GRHL2: variants seen among roughly 807,000 people sequenced by gnomAD.
The protein encoded by GRHL2 is grainyhead like transcription factor 2.
A neutral mutation model predicts 83.8 loss-of-function variants in GRHL2; 21 were observed. That is an observed-to-expected ratio of 0.25 (90% CI 0.18 to 0.36). The LOEUF is 0.36. GRHL2 is among the 10% of genes least tolerant of loss of function. GRHL2 has a pLI of 1.00. For synonymous variants in GRHL2, 280 were observed against 278.9 expected, an observed-to-expected ratio of 1.00 and a Z score of -0.04; for missense variants, 623 against 781.8, an observed-to-expected ratio of 0.80 and a Z score of 2.42.
intron 4 of GRHL2, among the ~76,000 whole-genome samples, chr8:101,567,543 A>C (rs1451790464): frequency 6.6e-6 from 1 of 152,222 alleles, no homozygotes; most frequent in Non-Finnish European, 1.5e-5. Flanking sequence ...TAAAATTATA[A>C]AGATAATGTA....
chr8:101,679,491 A>G, the GRHL2 span, among the ~76,000 whole-genome samples: 2 of 149,438 alleles, frequency 1.3e-5, no homozygotes, highest in Non-Finnish European at 3.0e-5. Context: ...ACCAAGTTGG[A>G]AAACACTCTG....
At chr8:101,609,116 TA>T (rs1265738923) in intron 8 of GRHL2, among the ~76,000 whole-genome samples, 1 of 149,768 alleles carries the variant, frequency 6.7e-6, no homozygotes, top group African/African-American at 2.5e-5. Flanking sequence ...GGGTGAAGTA[TA>T]GGACTTATAC....
chr8:101,582,408 G>T lies in GRHL2; in HGVS notation c.1003+4889G>T, dbSNP rs186951693. Among the ~76,000 whole-genome samples, 27 of 152,308 alleles carry T rather than the reference G, an allele frequency of 1.8e-4. 1 individual carries two copies. The East Asian group carries it at 5.2e-3, about 29-fold the overall frequency. ...AGGAAGGGAGTCCTCAGTACATGGG[G>T]CTGTGGAAAGGCTTGTATTTTTTAA... On this transcript the variant is annotated intron_variant, in intron 7 of 15. Transcript: ENST00000646743.
At position 101,649,473 on chromosome 8, in the gene GRHL2, C is replaced by T; in HGVS notation, c.1672C>T (p.Pro558Ser). 5 of 1,613,928 alleles carry T rather than the reference C, an allele frequency of 3.1e-6. No homozygotes were observed. The highest frequency in any genetic ancestry group is 1.1e-5 in the South Asian group (1 of 91,030). Residue 558 changes from proline to serine, a missense_variant, in exon 14 of 16, where the codon CCC becomes TCC. Pro to Ser is a moderately conservative substitution (Grantham distance 74, BLOSUM62 -1). This residue lies in a region of GRHL2 where 210 missense variants were observed against 254.8 expected (regional missense o/e 0.82). Coordinates refer to ENST00000646743, the MANE Select transcript of GRHL2 (RefSeq NM_024915.4). The part of the protein sequence containing the change: ...DVFDALMLKS[P>S]TVKGLMEAIS... ...GTTCGATGCATTGATGTTGAAGTCTCCCACAGTGAAGGGCCTGATGGAAGC... is the reference window on the plus strand; with the variant it reads ...GTTCGATGCATTGATGTTGAAGTCTTCCACAGTGAAGGGCCTGATGGAAGC...
chr8:101,665,015 A>G (rs1038232135), intron 15 of GRHL2, among the ~76,000 whole-genome samples: 2 of 152,184 alleles, frequency 1.3e-5, no homozygotes, highest in East Asian at 3.8e-4. Context: ...CTGGGTGTTC[A>G]GTAGGTTTGG....
At chr8:101,610,785 C>T (rs1485516906) in intron 8 of GRHL2, among the ~76,000 whole-genome samples, 4 of 150,900 alleles carry the variant, frequency 2.7e-5, no homozygotes, top group South Asian at 2.1e-4. Context: ...GCTTTACTCT[C>T]GTTATAATCG....
chr8:101,554,421 C>T (rs971366093), intron 3 of GRHL2, among the ~76,000 whole-genome samples: 1 of 152,186 alleles, frequency 6.6e-6, no homozygotes, highest in Non-Finnish European at 1.5e-5. Flanking sequence ...CTCTGTCTAC[C>T]TTTCACATCA....
rs557104639 is a variant in GRHL2, at chr8:101,523,427, C to A, written c.21-19814C>A. On this transcript the variant is annotated intron_variant, in intron 1 of 15. Coordinates refer to ENST00000646743, the MANE Select transcript of GRHL2 (RefSeq NM_024915.4). The stretch of plus-strand genomic sequence containing the variant: ...CCCAAAATTATTAGTTCCCCACTAC[C>A]ACCCGTCCCAGCTTGTTTCTTCAGT... Among the ~76,000 whole-genome samples the A allele has an allele frequency of 4.5e-4, 69 of 152,052 alleles. 2 individuals are homozygous for A. Among genetic ancestry groups the A allele is most frequent in the South Asian group, 4.2e-4 (2 of 4,794 alleles).
intron 1 of GRHL2, among the ~76,000 whole-genome samples, chr8:101,540,693 G>A (rs370653241): frequency 5.4e-4 from 82 of 152,240 alleles, no homozygotes; most frequent in African/African-American, 1.8e-3. Flanking sequence ...TTTTCATTGT[G>A]AGTTCACGCC....
chr8:101,659,811 G>C (rs1194399494), intron 14 of GRHL2, among the ~76,000 whole-genome samples: 3 of 152,112 alleles, frequency 2.0e-5, no homozygotes, highest in African/African-American at 7.2e-5. Context: ...TGAGTGTCTC[G>C]CCAGATTTGG....
chr8:101,566,554 TTTATG>T (rs1226653045), intron 4 of GRHL2, among the ~76,000 whole-genome samples: 4 of 148,036 alleles, frequency 2.7e-5, no homozygotes, highest in East Asian at 1.9e-4. Context: ...TGTAATAATA[TTTATG>T]TTATAACTAT....
At chr8:101,498,903 G>A (rs1473508949) in intron 1 of GRHL2, among the ~76,000 whole-genome samples, 5 of 151,868 alleles carry the variant, frequency 3.3e-5, no homozygotes, top group African/African-American at 9.7e-5. Context: ...GTGAAACCCC[G>A]TCTCTACTAA....
chr8:101,655,283 GGAACTTGACTGAC>G (rs1301307618), intron 14 of GRHL2, among the ~76,000 whole-genome samples: 1 of 152,146 alleles, frequency 6.6e-6, no homozygotes, highest in African/African-American at 2.4e-5. Context: ...GGTAGACTGG[GGAACTTGACTGAC>G]TTGGTTCAAA....
intron 1 of GRHL2, among the ~76,000 whole-genome samples, chr8:101,539,464 G>A (rs750557121): frequency 4.6e-5 from 7 of 152,086 alleles, no homozygotes; most frequent in East Asian, 1.9e-4. Flanking sequence ...CTAATCAATC[G>A]TGGGGGGCCG....
In GRHL2 at chr8:101,558,713, C is replaced by T. The variant is rs144668624; in HGVS notation, c.579C>T (p.Asp193=). Residue 193 remains aspartate (D), a synonymous_variant, in exon 4 of 16, where the codon GAC becomes GAT. Transcript: ENST00000646743. ...TTATCTTTGAACAGACTCAGTATGA[C>T]GTGCCCTCGCTGGCCACCCACAGCG... ...RVVIFEQTQY[D]VPSLATHSAY... is the part of the protein sequence containing the mutation. The T allele has an allele frequency of 6.2e-6, 10 of 1,614,034 alleles. No homozygotes were observed. In the African/African-American group the frequency reaches 9.3e-5, roughly 15 times the overall value.
chr8:101,506,048 GT>G (rs1810335061), intron 1 of GRHL2, among the ~76,000 whole-genome samples: 1 of 152,216 alleles, frequency 6.6e-6, no homozygotes, highest in South Asian at 2.1e-4. Flanking sequence ...GTTCTAGAGT[GT>G]GGAAGAAGTT....
intron 14 of GRHL2, among the ~76,000 whole-genome samples, chr8:101,662,348 C>T (rs1377151388): frequency 6.6e-6 from 1 of 152,234 alleles, no homozygotes. Context: ...TCTCCTTCTG[C>T]TCGCCCAGCT....
chr8:101,641,132 T>C (rs1813392544), intron 12 of GRHL2, among the ~76,000 whole-genome samples: 1 of 152,108 alleles, frequency 6.6e-6, no homozygotes, highest in South Asian at 2.1e-4. Flanking sequence ...TTGTTTTTGG[T>C]TTTTTACTGA....
intron 1 of GRHL2, among the ~76,000 whole-genome samples, chr8:101,521,429 T>C (rs1810680910): frequency 6.6e-6 from 1 of 152,050 alleles, no homozygotes; most frequent in Non-Finnish European, 1.5e-5. Context: ...TGGTTGGAGG[T>C]GTTGTGAGGT....
Sources: gnomAD v4.1 joint callset for allele counts (sites outside exome capture counted in the v4.1 genomes callset) on GRCh38, gnomAD v4.1.1 for gene constraint, gnomAD v4.1.1 regional missense constraint, MANE v1.5 for transcripts, NCBI Gene and HGNC (gene_info 2026-07-23, HGNC 2026-07-21) for gene names.